The following DIP2C variants were observed in gnomAD, a reference collection of about 807,000 sequenced individuals.
DIP2C encodes DIP2 acetate--CoA ligase C (putative).
Under a neutral mutation model 192.4 loss-of-function variants are expected in DIP2C, and 33 were observed. The ratio of observed to expected loss-of-function variants is 0.17; its 90% CI spans 0.13 to 0.23. The LOEUF (loss-of-function observed/expected upper bound fraction) is 0.23, where lower values mean the gene tolerates loss of function less well. Ranked by LOEUF, DIP2C falls within the 10% of genes least tolerant of loss-of-function variation. The pLI, the probability that DIP2C is intolerant of heterozygous loss-of-function variation, is 1.00. For missense variants in DIP2C, 1,537 were observed against 2,110.1 expected, an observed-to-expected ratio of 0.73 and a Z score of 5.32; for synonymous variants, 979 against 864.1, an observed-to-expected ratio of 1.13 and a Z score of -2.33.
At chr10:414,461 C>A (rs1965405316) in intron 7 of DIP2C, among the ~76,000 whole-genome samples, 1 of 152,004 alleles carries the variant, frequency 6.6e-6, no homozygotes, top group Non-Finnish European at 1.5e-5. Flanking sequence ...TGATTTTGGA[C>A]CCCAAATTGC....
intron 5 of DIP2C, among the ~76,000 whole-genome samples, chr10:421,302 G>A (rs1171525086): frequency 4.6e-5 from 7 of 152,178 alleles, no homozygotes; most frequent in South Asian, 2.1e-4. Context: ...GGGTAAACCC[G>A]CAAAGGGAGG....
intron 1 of DIP2C, among the ~76,000 whole-genome samples, chr10:581,939 G>A (rs1346019082): frequency 2.0e-5 from 3 of 152,152 alleles, no homozygotes; most frequent in Non-Finnish European, 4.4e-5. Context: ...CTGGGGGGTG[G>A]TTTTGGAATG....
rs141216650 is a variant in DIP2C, at chr10:599,111, G to A, written c.85+90383C>T. Reference sequence around the variant, plus strand: ...CAGAAGCCACAGCCACTCTCCCAGCGTGGGAGCCAAGTTAGAGACCCAGAA... The same window carrying A: ...CAGAAGCCACAGCCACTCTCCCAGCATGGGAGCCAAGTTAGAGACCCAGAA... On this transcript the variant is annotated intron_variant, in intron 1 of 36. Transcript: ENST00000280886. Among the ~76,000 whole-genome samples the A allele has an allele frequency of 7.2e-4, 109 of 152,274 alleles. No individual in the cohort carries two copies. The East Asian group carries it at 0.018, about 25-fold the overall frequency.
At chr10:625,737 G>A (rs990901950) in intron 1 of DIP2C, among the ~76,000 whole-genome samples, 2 of 152,226 alleles carry the variant, frequency 1.3e-5, no homozygotes, top group African/African-American at 2.4e-5. Context: ...GGAAAACTGC[G>A]TGAACCTTTC....
At chr10:367,767 G>C (rs1373107235) in intron 18 of DIP2C, among the ~76,000 whole-genome samples, 1 of 152,238 alleles carries the variant, frequency 6.6e-6, no homozygotes, top group Non-Finnish European at 1.5e-5. Context: ...CGCGGAGCTC[G>C]TTACGCGCTG....
chr10:612,050 C>T (rs1030657267), intron 1 of DIP2C, among the ~76,000 whole-genome samples: 1 of 152,298 alleles, frequency 6.6e-6, no homozygotes, highest in African/African-American at 2.4e-5. Context: ...CATCCCAGCA[C>T]TTTGGGAGGC....
chr10:341,960 C>T (rs1564583606), intron 28 of DIP2C, among the ~76,000 whole-genome samples: 2 of 152,200 alleles, frequency 1.3e-5, no homozygotes, highest in African/African-American at 2.4e-5. Context: ...GTTTTTAGGA[C>T]TGGCGACAAC....
chr10:408,256 T>G (rs528097642), intron 9 of DIP2C, among the ~76,000 whole-genome samples: 2 of 150,600 alleles, frequency 1.3e-5, no homozygotes, highest in South Asian at 4.2e-4. Flanking sequence ...TCCATATACA[T>G]GAGGGTTTAT....
intron 3 of DIP2C, among the ~76,000 whole-genome samples, chr10:457,045 C>T (rs1251322558): frequency 6.6e-6 from 1 of 152,186 alleles, no homozygotes; most frequent in Non-Finnish European, 1.5e-5. Flanking sequence ...TCTCTGCTCA[C>T]ATATCCACCT....
At chr10:682,394 G>A (rs1435301040) in intron 1 of DIP2C, among the ~76,000 whole-genome samples, 2 of 151,968 alleles carry the variant, frequency 1.3e-5, no homozygotes, top group East Asian at 1.9e-4. Context: ...ACCATAAATC[G>A]ATACAAGGCC....
At chr10:543,109 C>T (rs1263673971) in intron 1 of DIP2C, among the ~76,000 whole-genome samples, 1 of 152,216 alleles carries the variant, frequency 6.6e-6, no homozygotes, top group South Asian at 2.1e-4. Flanking sequence ...TTTGGTAACT[C>T]GCTGCACAGA....
At chr10:555,557 CAG>C (rs1230936830) in intron 1 of DIP2C, among the ~76,000 whole-genome samples, 1 of 152,100 alleles carries the variant, frequency 6.6e-6, no homozygotes, top group African/African-American at 2.4e-5. Flanking sequence ...TGAAAGCAAA[CAG>C]AAGAGAAGGC....
At chr10:306,474 G>A (rs534214255) in intron 32 of DIP2C, among the ~76,000 whole-genome samples, 29 of 152,280 alleles carry the variant, frequency 1.9e-4, no homozygotes, top group African/African-American at 7.0e-4. Context: ...ACCTTCTCCA[G>A]AGTAATTAGA....
intron 3 of DIP2C, among the ~76,000 whole-genome samples, chr10:453,554 G>GA (rs1414325610): frequency 6.6e-6 from 1 of 152,240 alleles, no homozygotes; most frequent in Non-Finnish European, 1.5e-5. Flanking sequence ...GAAGAGCACT[G>GA]AAAGTGGTCA....
rs1845729842 is a variant in DIP2C at position 507,848 on chromosome 10, CTG to C, written c.86-21320_86-21319del. Among the ~76,000 whole-genome samples, 3 of 152,326 alleles carry C rather than the reference CTG, an allele frequency of 2.0e-5. No individual in the cohort carries two copies. The South Asian group carries it at 6.2e-4, about 32-fold the overall frequency. ...ACAATCTCTGCATCATCCTCAGAAA[CTG>C]TTCCTGACCATTCACCTGAGGCCAC... is the stretch of plus-strand genomic sequence containing the variant. On this transcript the variant is annotated intron_variant, in intron 1 of 36. Coordinates refer to ENST00000280886, the MANE Select transcript of DIP2C (RefSeq NM_014974.3).
chr10:456,762 C>T (rs1969337042), intron 3 of DIP2C, among the ~76,000 whole-genome samples: 1 of 152,246 alleles, frequency 6.6e-6, no homozygotes, highest in Non-Finnish European at 1.5e-5. Flanking sequence ...TCTGTGTTCC[C>T]TTCCACGACG....
chr10:414,756 T>TAA (rs1367163813), intron 7 of DIP2C, among the ~76,000 whole-genome samples: 1 of 132,770 alleles, frequency 7.5e-6, no homozygotes, highest in East Asian at 2.2e-4. Flanking sequence ...TATATATATA[T>TAA]AATGTGTATA....
intron 10 of DIP2C, among the ~76,000 whole-genome samples, chr10:393,789 AAAAAAAAG>A (rs1402215717): frequency 0.015 from 2,078 of 136,180 alleles, 25 homozygotes; most frequent in Non-Finnish European, 0.028. Flanking sequence ...AAAAAAAAAA[AAAAAAAAG>A]AAAAAAAAAG....
chr10:385,288 C>T (rs1008689816), intron 14 of DIP2C, among the ~76,000 whole-genome samples: 3 of 152,156 alleles, frequency 2.0e-5, no homozygotes, highest in East Asian at 1.9e-4. Context: ...GAATGTGACA[C>T]GGTAGGGTCT....
Sources: gnomAD v4.1 joint callset for allele counts (sites outside exome capture counted in the v4.1 genomes callset) on GRCh38, gnomAD v4.1.1 for gene constraint, MANE v1.5 for transcripts, NCBI Gene and HGNC (gene_info 2026-07-23, HGNC 2026-07-21) for gene names.